The following KDM6A variants were observed in gnomAD, a reference collection of about 807,000 sequenced individuals.
KDM6A encodes the protein lysine demethylase 6A, also known as lysine-specific demethylase 6A.
A neutral mutation model predicts 117.6 loss-of-function variants in KDM6A; 11 were observed. The ratio of observed to expected loss-of-function variants is 0.09; its 90% CI spans 0.06 to 0.15. KDM6A has a LOEUF of 0.15. Ranked by LOEUF, KDM6A falls within the 10% of genes least tolerant of loss-of-function variation. KDM6A has a pLI of 1.00. For missense variants in KDM6A, 799 were observed against 1,077.3 expected, an observed-to-expected ratio of 0.74 and a Z score of 3.62; for synonymous variants, 384 against 396.1, an observed-to-expected ratio of 0.97 and a Z score of 0.36.
At chrX:45,088,309 A>G (rs145476931) in intron 25 of KDM6A, among the ~76,000 whole-genome samples, 4,318 of 112,585 alleles carry the variant, frequency 0.038, 211 homozygotes, top group African/African-American at 0.13. Context: ...ATTTTTCAAG[A>G]GAGAAAAAGA....
At chrX:45,041,373 C>T (rs1393953555) in intron 8 of KDM6A, among the ~76,000 whole-genome samples, 3 of 95,040 alleles carry the variant, frequency 3.2e-5, no homozygotes, top group Admixed American at 1.1e-4. Context: ...CCAGTAGGGG[C>T]GGCCGGGCAG....
At chrX:44,896,819 G>A (rs1473405445) in intron 2 of KDM6A, among the ~76,000 whole-genome samples, 1 of 107,641 alleles carries the variant, frequency 9.3e-6, no homozygotes, top group East Asian at 2.9e-4. Flanking sequence ...TTTTTTTCCT[G>A]TCTGGTTTAG....
chrX:45,061,833 T>G (rs2044314562), intron 15 of KDM6A, among the ~76,000 whole-genome samples: 1 of 110,431 alleles, frequency 9.1e-6, no homozygotes, highest in Non-Finnish European at 1.9e-5. Flanking sequence ...GTACATTCAA[T>G]TAAAATGCAC....
chrX:45,001,054 T>C (rs964779657), intron 4 of KDM6A, among the ~76,000 whole-genome samples: 1 of 112,702 alleles, frequency 8.9e-6, no homozygotes, highest in Non-Finnish European at 1.9e-5. Context: ...TTACTATAGC[T>C]ATCTTGGTCT....
intron 2 of KDM6A, among the ~76,000 whole-genome samples, chrX:44,938,856 C>T (rs1217039546): frequency 1.8e-5 from 2 of 112,479 alleles, no homozygotes; most frequent in African/African-American, 6.5e-5. Context: ...TATGCTGAAT[C>T]TGCTCTACCT....
intron 2 of KDM6A, among the ~76,000 whole-genome samples, chrX:44,929,156 T>C (rs1165473270): frequency 1.8e-5 from 2 of 110,700 alleles, no homozygotes; most frequent in East Asian, 5.6e-4. Flanking sequence ...GGTCTCAATC[T>C]CTTGACCTTG....
intron 3 of KDM6A, among the ~76,000 whole-genome samples, chrX:44,972,026 C>T (rs1397365249): frequency 9.1e-6 from 1 of 110,168 alleles, no homozygotes; most frequent in Non-Finnish European, 1.9e-5. Flanking sequence ...GGAGTGTTGG[C>T]AATACCAAGA....
At chrX:45,011,780 A>G (rs180750770) in intron 5 of KDM6A, among the ~76,000 whole-genome samples, 1 of 108,831 alleles carries the variant, frequency 9.2e-6, no homozygotes, top group African/African-American at 3.3e-5. Flanking sequence ...TTATTTATTT[A>G]TTTTATTTAT....
At chrX:44,924,611 A>G (rs2036185736) in intron 2 of KDM6A, among the ~76,000 whole-genome samples, 1 of 108,337 alleles carries the variant, frequency 9.2e-6, no homozygotes, top group African/African-American at 3.4e-5. Flanking sequence ...TGTTTGAGCC[A>G]TGTGGATATT....
intron 2 of KDM6A, among the ~76,000 whole-genome samples, chrX:44,900,368 T>G (rs1276976290): frequency 8.9e-6 from 1 of 112,190 alleles, no homozygotes; most frequent in Non-Finnish European, 1.9e-5. Context: ...GGCATTAGTC[T>G]TCCTTAGGCA....
intron 4 of KDM6A, among the ~76,000 whole-genome samples, chrX:44,977,254 T>C (rs1363386904): frequency 9.1e-6 from 1 of 110,352 alleles, no homozygotes; most frequent in Non-Finnish European, 1.9e-5. Context: ...TCTCTCTCTC[T>C]ATATATATAG....
chrX:44,880,995 G>A (rs1341880511), intron 2 of KDM6A, among the ~76,000 whole-genome samples: 2 of 111,977 alleles, frequency 1.8e-5, no homozygotes, highest in Admixed American at 1.9e-4. Context: ...GAGTAGAGAT[G>A]TACCCAATTA....
At chrX:45,082,997 C>T (rs1286804030) in intron 23 of KDM6A, among the ~76,000 whole-genome samples, 2 of 109,880 alleles carry the variant, frequency 1.8e-5, no homozygotes, top group East Asian at 5.7e-4. Flanking sequence ...CACTGTGTTG[C>T]CCAGGCTTGT....
intron 6 of KDM6A, among the ~76,000 whole-genome samples, chrX:45,030,593 C>A (rs1300514989): frequency 2.7e-5 from 3 of 110,056 alleles, no homozygotes; most frequent in Non-Finnish European, 3.8e-5. Context: ...TTAGAGACCA[C>A]ATTTTTAAAG....
intron 4 of KDM6A, among the ~76,000 whole-genome samples, chrX:44,975,375 C>CT (rs1300962005): frequency 2.8e-5 from 3 of 108,459 alleles, no homozygotes; most frequent in Non-Finnish European, 5.7e-5. Context: ...GTTAATTTGT[C>CT]TTTCTTTTTG....
At chrX:44,967,159 C>T (rs777279781) in intron 3 of KDM6A, among the ~76,000 whole-genome samples, 42 of 111,547 alleles carry the variant, frequency 3.8e-4, no homozygotes, top group Admixed American at 5.7e-4. Flanking sequence ...CGTGAGCCAC[C>T]GCACCTGGCT....
intron 2 of KDM6A, among the ~76,000 whole-genome samples, chrX:44,911,000 A>G (rs1227112918): frequency 3.6e-5 from 4 of 112,607 alleles, no homozygotes; most frequent in East Asian, 5.7e-4. Context: ...CCCGTTCTCA[A>G]TGAGCTGTTG....
At chrX:45,068,476 G>A (rs1345396045) in intron 17 of KDM6A, among the ~76,000 whole-genome samples, 1 of 105,668 alleles carries the variant, frequency 9.5e-6, no homozygotes. Context: ...ATTTTTCTAA[G>A]TTTTCAAATT....
intron 4 of KDM6A, among the ~76,000 whole-genome samples, chrX:45,006,447 G>T (rs935750203): frequency 9.0e-6 from 1 of 110,714 alleles, no homozygotes; most frequent in Non-Finnish European, 1.9e-5. Context: ...AGAAGCAATG[G>T]TGAGCGCACA....
Sources: gnomAD v4.1 joint callset for allele counts (sites outside exome capture counted in the v4.1 genomes callset) on GRCh38, gnomAD v4.1.1 for gene constraint, MANE v1.5 for transcripts, NCBI Gene and HGNC (gene_info 2026-07-23, HGNC 2026-07-21) for gene names.